The following SHD variants were observed in gnomAD, a reference collection of about 807,000 sequenced individuals.
SHD encodes Src homology 2 domain containing transforming protein D.
In SHD, 29 loss-of-function variants were observed where a neutral mutation model predicts 31.2. That is an observed-to-expected ratio of 0.93 (90% CI 0.69 to 1.27). SHD has a LOEUF of 1.27. SHD is among the 50% of genes most tolerant of loss of function. The pLI is 0.00. For synonymous variants in SHD, 208 were observed against 187.8 expected (o/e 1.11, Z -0.88); for missense variants, 520 against 453.8 (o/e 1.15, Z -1.33).
At chr19:4,290,016 C>T (rs1568370386) in intron 5 of SHD, among the ~76,000 whole-genome samples, 1 of 151,950 alleles carries the variant, frequency 6.6e-6, no homozygotes, top group South Asian at 2.1e-4. Context: ...GCTGGGACCA[C>T]AGGCACCCGC....
In SHD at chr19:4,290,623, AG is replaced by A. The variant is rs776092033; in HGVS notation, c.1014del (p.Thr339ProfsTer28). 1 of 1,607,962 alleles carries A rather than the reference AG, an allele frequency of 6.2e-7. No homozygotes were observed. On this transcript the variant is annotated frameshift_variant, in exon 6 of 6. Coordinates refer to ENST00000543264, the MANE Select transcript of SHD (RefSeq NM_020209.4). LOFTEE classifies it high-confidence loss of function. Reference protein sequence around the residue: ...HLALLYPVVTQTP With the variant: ...HLALLYPVVTXTP The stretch of plus-strand genomic sequence containing the variant: ...GCTCTGCTGTACCCCGTGGTCACGC[AG>A]ACCCCCTGACAGTGACCCTCGGCCC...
chr19:4,286,837 G>A (rs1056651392), intron 4 of SHD, among the ~76,000 whole-genome samples: 1 of 151,828 alleles, frequency 6.6e-6, no homozygotes, highest in African/African-American at 2.4e-5. Flanking sequence ...CTGAGATCAC[G>A]CCACTGTACT....
intron 1 of SHD, 70 bp from the exon 2 acceptor site, chr19:4,282,800 A>G: frequency 7.7e-7 from 1 of 1,300,324 alleles, no homozygotes; most frequent in Non-Finnish European, 1.1e-6. Context: ...TGGGCAGGCA[A>G]GAGGTGCAGC....
intron 4 of SHD, among the ~76,000 whole-genome samples, chr19:4,287,387 G>A (rs1304731803): frequency 6.6e-6 from 1 of 151,980 alleles, no homozygotes; most frequent in Non-Finnish European, 1.5e-5. Context: ...TGAGGTACAA[G>A]ATGAAGCACC....
At chr19:4,286,208 TTCTTTC>T (rs1487157407) in intron 4 of SHD, among the ~76,000 whole-genome samples, 1 of 105,584 alleles carries the variant, frequency 9.5e-6, no homozygotes, top group East Asian at 2.9e-4. Flanking sequence ...TTCTTTTTCT[TTCTTTC>T]TTTCTTTCTT....
Position 4,279,292 on chromosome 19 carries a change from CT to C in SHD, c.-771del, listed in dbSNP as rs1195613102. On this transcript the variant is annotated 5_prime_UTR_variant, in exon 1 of 6. Transcript: ENST00000543264. This position sits in a 1 kb window ranked among gnomAD's most constrained non-coding sequence, Gnocchi z 7.5. ...CTGCTGCCCGGGACGCGGCCCGGGG[CT>C]GGTGGGAACAGGGGCGTCCTCCTGC... 2 of 152,050 alleles carry C rather than the reference CT, an allele frequency of 1.3e-5. No homozygotes were observed. The highest frequency in any genetic ancestry group is 1.3e-4 in the Admixed American group (2 of 15,278). The allele number at this position is 152,050 out of a possible 1,614,324, so 9.4% of individuals were successfully genotyped here. A position where few individuals can be genotyped will look rare whatever the true frequency, so the allele number is the denominator to read the frequency against.
chr19:4,284,608 C>T, intron 3 of SHD, 173 bp from the exon 4 acceptor site: 1 of 663,800 alleles, frequency 1.5e-6, no homozygotes, highest in South Asian at 4.2e-5. Context: ...TTAGGAAGGC[C>T]AAAAGGTTGC....
chr19:4,280,424 C>A, intron 1 of SHD, 64 bp downstream of exon 1: 7 of 1,465,140 alleles, frequency 4.8e-6, no homozygotes, highest in Non-Finnish European at 6.4e-6. Context: ...CTCTCTGGAT[C>A]GTGGAGAGCT....
intron 4 of SHD, among the ~76,000 whole-genome samples, chr19:4,287,504 G>C (rs1447507751): frequency 6.6e-6 from 1 of 151,996 alleles, no homozygotes; most frequent in Non-Finnish European, 1.5e-5. Context: ...AAGGGTATTG[G>C]CCGGGCATGG....
At chr19:4,282,837 G>C in intron 1 of SHD, 33 bp from the exon 2 acceptor site, 1 of 1,605,272 alleles carries the variant, frequency 6.2e-7, no homozygotes, top group South Asian at 1.1e-5. Context: ...GCCCCTCTGA[G>C]TCCTTGTCTT....
In SHD at chr19:4,279,321, GC is replaced by G. The variant is rs1162019656; in HGVS notation, c.-737del. On this transcript the variant is annotated 5_prime_UTR_variant, in exon 1 of 6. Transcript: ENST00000543264. The surrounding 1 kb of genome is among the most constrained non-coding windows in gnomAD (Gnocchi z 7.5). ...TGGGAACAGGGGCGTCCTCCTGCGC[GC>G]CCCCCTCCCCAGCGTCCCACCTCCC... is the stretch of plus-strand genomic sequence containing the variant. 2.6e-5 allele frequency: 4 copies of G among 151,428 alleles called. No individual in the cohort carries two copies. Among genetic ancestry groups the G allele is most frequent in the South Asian group, 4.2e-4 (2 of 4,794 alleles). 9.4% of individuals were successfully genotyped at this position (151,428 alleles called of 1,614,324 possible). A position where few individuals can be genotyped will look rare whatever the true frequency, so the allele number is the denominator to read the frequency against.
intron 1 of SHD, 119 bp downstream of exon 1, chr19:4,280,479 C>G (rs1443457634): frequency 8.8e-7 from 1 of 1,130,110 alleles, no homozygotes; most frequent in Non-Finnish European, 1.2e-6. Flanking sequence ...ACCAGACAGA[C>G]CCTTCCCAGT....
At chr19:4,282,382 T>C (rs867380112) in intron 1 of SHD, among the ~76,000 whole-genome samples, 2 of 152,136 alleles carry the variant, frequency 1.3e-5, no homozygotes, top group South Asian at 2.1e-4. Context: ...ATCACACCAC[T>C]GCACTGTAGC....
rs115421323 is a variant in SHD at position 4,282,095 on chromosome 19, G to T, written c.298-775G>T. Among the ~76,000 whole-genome samples the T allele has an allele frequency of 4.4e-3, 670 of 152,188 alleles. 8 individuals carry two copies. The highest frequency in any genetic ancestry group is 0.016 in the African/African-American group (648 of 41,518). ...AGCCGCTGTCTGCGAGCACTTTTGG[G>T]TAACAGACTCCCTCTCCAACCCCCA... is the stretch of plus-strand genomic sequence containing the variant. On this transcript the variant is annotated intron_variant, in intron 1 of 5. Transcript: ENST00000543264.
At chr19:4,284,177 C>T (rs368991790) in intron 3 of SHD, among the ~76,000 whole-genome samples, 2 of 151,784 alleles carry the variant, frequency 1.3e-5, no homozygotes, top group Admixed American at 6.6e-5. Context: ...TGGTGCATGC[C>T]GGTAATCCCA....
chr19:4,286,581 G>GCTCA (rs1971321168), intron 4 of SHD, among the ~76,000 whole-genome samples: 1 of 152,062 alleles, frequency 6.6e-6, no homozygotes, highest in South Asian at 2.1e-4. Context: ...GCTTGCTACT[G>GCTCA]CAAACCCCTT....
chr19:4,281,702 G>A (rs1193380977), intron 1 of SHD, among the ~76,000 whole-genome samples: 1 of 152,120 alleles, frequency 6.6e-6, no homozygotes, highest in Admixed American at 6.6e-5. Context: ...AGGTTGCAGT[G>A]AGCCAACATC....
intron 4 of SHD, among the ~76,000 whole-genome samples, chr19:4,287,350 A>G (rs1971331178): frequency 6.6e-6 from 1 of 151,980 alleles, no homozygotes; most frequent in Admixed American, 6.6e-5. Context: ...AGAAAGAAAA[A>G]GAAAAAAACA....
chr19:4,284,809 G>C lies in SHD; in HGVS notation c.621G>C (p.Arg207Ser). The change falls in exon 4 of 6, where the codon AGG (arginine) becomes AGC (serine). Residue 207 changes from arginine to serine, a missense_variant. Arg to Ser is a moderately radical substitution (Grantham distance 110). Transcript: ENST00000543264. The stretch of plus-strand genomic sequence containing the variant: ...AGTTTGACAGTCCAGAGTGGGAGAG[G>C]ACTCCAGGCTCAGCCAAGGAGCTCC... ...AVQFDSPEWE[R>S]TPGSAKELRR... is the part of the protein sequence containing the mutation. 1.2e-6 allele frequency: 2 copies of C among 1,612,186 alleles called. No homozygotes were observed. Among genetic ancestry groups the C allele is most frequent in the Non-Finnish European group, 1.7e-6 (2 of 1,178,982 alleles).
Sources: gnomAD v4.1 joint callset for allele counts (sites outside exome capture counted in the v4.1 genomes callset) on GRCh38, gnomAD v4.1.1 for gene constraint, Gnocchi (gnomAD v3.1) non-coding constraint, MANE v1.5 for transcripts, NCBI Gene and HGNC (gene_info 2026-07-23, HGNC 2026-07-21) for gene names.